ARMC9: variants seen among roughly 807,000 people sequenced by gnomAD.
ARMC9 encodes lisH domain-containing protein ARMC9.
A neutral mutation model predicts 107.0 loss-of-function variants in ARMC9; 94 were observed. That is an observed-to-expected ratio of 0.88 (90% CI 0.74 to 1.04). The LOEUF (loss-of-function observed/expected upper bound fraction) is 1.04. Among genes scored for constraint, ARMC9 ranks in the 50% least tolerant of loss-of-function variants. The probability of loss-of-function intolerance (pLI) is 0.00; values close to 1 mark genes in which losing one functional copy is unlikely to be tolerated. For missense variants in ARMC9, 942 were observed against 1,030.1 expected (o/e 0.91, Z 1.17); for synonymous variants, 380 against 396.9 (o/e 0.96, Z 0.51).
rs531460397 is a variant in ARMC9, at chr2:231,324,650, G to A, written c.1774-7143G>A. On this transcript the variant is annotated intron_variant, in intron 19 of 24. Coordinates refer to ENST00000611582, the MANE Select transcript of ARMC9 (RefSeq NM_001352754.2). ...TCCCAGCTACTCGGGAGGCTGAGGC[G>A]AGAGAATCACTTGAACCGAGGAGGC... is the stretch of plus-strand genomic sequence containing the variant. 2.4e-4 allele frequency among the ~76,000 whole-genome samples: 37 copies of A among 151,464 alleles called. 1 individual carries two copies. In the East Asian group the frequency reaches 5.8e-3, roughly 24 times the overall value.
chr2:231,248,754 C>T (rs530098560), intron 9 of ARMC9, among the ~76,000 whole-genome samples: 112 of 147,860 alleles, frequency 7.6e-4, no homozygotes, highest in African/African-American at 2.7e-3. Context: ...TTGCAGTTAG[C>T]CGAGATCATG....
At chr2:231,261,854 G>A (rs1284272959) in intron 11 of ARMC9, among the ~76,000 whole-genome samples, 1 of 150,184 alleles carries the variant, frequency 6.7e-6, no homozygotes, top group Non-Finnish European at 1.5e-5. Flanking sequence ...ACCGAGTCTT[G>A]CTCTGTCGCC....
chr2:231,202,894 A>G (rs2031298028), intron 1 of ARMC9, among the ~76,000 whole-genome samples: 2 of 152,152 alleles, frequency 1.3e-5, no homozygotes, highest in African/African-American at 4.8e-5. Context: ...AAGGGAAGCT[A>G]AAAGCAGACT....
chr2:231,326,877 C>G (rs1001219939), intron 19 of ARMC9, among the ~76,000 whole-genome samples: 1 of 152,124 alleles, frequency 6.6e-6, no homozygotes, highest in Admixed American at 6.5e-5. Flanking sequence ...GTCAAGGAGC[C>G]AATTATAGTC....
At chr2:231,302,965 C>T (rs1029655334) in intron 19 of ARMC9, among the ~76,000 whole-genome samples, 1 of 152,220 alleles carries the variant, frequency 6.6e-6, no homozygotes, top group African/African-American at 2.4e-5. Flanking sequence ...GATCACACCA[C>T]TGCACTCCAG....
chr2:231,262,623 C>T (rs950760220), intron 12 of ARMC9, among the ~76,000 whole-genome samples: 13 of 152,084 alleles, frequency 8.5e-5, no homozygotes, highest in Admixed American at 3.3e-4. Flanking sequence ...TCTTTTCTGC[C>T]GTTTTTCCTT....
intron 18 of ARMC9, 69 bp downstream of exon 18, chr2:231,291,512 A>G (rs755869228): frequency 2.0e-5 from 31 of 1,512,830 alleles, no homozygotes; most frequent in Non-Finnish European, 2.6e-5. Flanking sequence ...GACACATGGC[A>G]TTTCATTCAA....
chr2:231,360,427 C>T lies in ARMC9; in HGVS notation c.2132-327C>T, dbSNP rs574763087. Among the ~76,000 whole-genome samples the T allele has an allele frequency of 2.0e-5, 3 of 152,300 alleles. No individual in the cohort carries two copies. The highest frequency in any genetic ancestry group is 2.1e-4 in the South Asian group (1 of 4,826). Reference sequence around the variant, plus strand: ...TGGGCCTCCACATTCTGTCTGGGGGCGCCTAGCCATGGCCCAGGGAGACAA... The same window carrying T: ...TGGGCCTCCACATTCTGTCTGGGGGTGCCTAGCCATGGCCCAGGGAGACAA... On this transcript the variant is annotated intron_variant, in intron 22 of 24. Transcript: ENST00000611582. This position sits in a 1 kb window ranked among gnomAD's most constrained non-coding sequence, Gnocchi z 4.7.
intron 20 of ARMC9, among the ~76,000 whole-genome samples, 164 bp from the exon 21 acceptor site, chr2:231,344,811 C>T (rs912942216): frequency 1.3e-5 from 2 of 152,178 alleles, no homozygotes; most frequent in Non-Finnish European, 2.9e-5. Context: ...GGTTTTTCCC[C>T]ACAATTTCTG....
intron 18 of ARMC9, among the ~76,000 whole-genome samples, 162 bp downstream of exon 18, chr2:231,291,605 C>T (rs1462359025): frequency 6.6e-6 from 1 of 151,950 alleles, no homozygotes; most frequent in African/African-American, 2.4e-5. Flanking sequence ...ATCACGAGGT[C>T]AGGAGTTCGA....
At chr2:231,315,959 G>A (rs1178006601) in intron 19 of ARMC9, among the ~76,000 whole-genome samples, 1 of 152,170 alleles carries the variant, frequency 6.6e-6, no homozygotes, top group African/African-American at 2.4e-5. Context: ...TAGGGATTCA[G>A]TATGCATCTT....
chr2:231,293,476 C>G (rs1021762428), intron 18 of ARMC9, among the ~76,000 whole-genome samples: 2 of 152,190 alleles, frequency 1.3e-5, no homozygotes, highest in Non-Finnish European at 2.9e-5. Flanking sequence ...TCCTTGTCTT[C>G]CCTCCTTCCT....
intron 13 of ARMC9, 35 bp from the exon 14 acceptor site, chr2:231,272,920 G>A (rs746671257): frequency 2.5e-6 from 4 of 1,604,828 alleles, no homozygotes; most frequent in South Asian, 1.1e-5. Flanking sequence ...AATTATTTCT[G>A]TCTTTCACCT....
chr2:231,321,327 G>T (rs2042985175), intron 19 of ARMC9, among the ~76,000 whole-genome samples: 1 of 152,186 alleles, frequency 6.6e-6, no homozygotes, highest in African/African-American at 2.4e-5. Context: ...ATGGAGCGGG[G>T]ATGGAAAGCA....
At position 231,229,377 on chromosome 2, in the gene ARMC9, C is replaced by T. The variant is rs16827881; in HGVS notation, c.622+2579C>T. 4.9e-3 allele frequency among the ~76,000 whole-genome samples: 741 copies of T among 152,246 alleles called. 6 individuals are homozygous for T. Among genetic ancestry groups the T allele is most frequent in the African/African-American group, 0.017 (696 of 41,546 alleles). ...TGTGTATCTTGATAGGAAGTTTTCA[C>T]GGTTAAGTGAGATTACCAGAAGCTT... On this transcript the variant is annotated intron_variant, in intron 7 of 24. Transcript: ENST00000611582.
chr2:231,260,502 T>A (rs193193178), intron 11 of ARMC9, among the ~76,000 whole-genome samples: 2 of 152,340 alleles, frequency 1.3e-5, no homozygotes, highest in South Asian at 4.1e-4. Context: ...ATTTCCCATC[T>A]GTGGATAGAA....
At position 231,331,849 on chromosome 2, in the gene ARMC9, G is replaced by T; in HGVS notation, c.1830G>T (p.Gln610His). 1 of 1,614,058 alleles carries T rather than the reference G, an allele frequency of 6.2e-7. No homozygotes were observed. The highest frequency in any genetic ancestry group is 2.2e-5 in the East Asian group (1 of 44,882). The change falls in exon 20 of 25, where the codon CAG becomes CAT. Residue 610 changes from glutamine to histidine, a missense_variant. Transcript: ENST00000611582. ...DLDKDELIQP[Q>H]LGELSGEKLL... ...ACAAAGACGAACTGATCCAGCCCCA[G>T]CTCGGAGAACTCTCAGGAGAGAAGC...
rs755420664 is a variant in ARMC9, at chr2:231,222,769, T to C, written c.546T>C (p.Phe182=). Residue 182 remains phenylalanine, a synonymous_variant, in exon 6 of 25, where the codon TTT becomes TTC. Transcript: ENST00000611582. ...TPELKLKLIK[F]LALISKASNT... ...AGTTAAAGTTGAAGTTGATAAAGTT[T>C]CTAGCTTTAATATCTAAAGCCAGCA... 6.3e-7 allele frequency: 1 copy of C among 1,596,358 alleles called. No individual in the cohort carries two copies.
intron 20 of ARMC9, among the ~76,000 whole-genome samples, chr2:231,333,954 C>G (rs1448238962): frequency 6.6e-6 from 1 of 152,224 alleles, no homozygotes; most frequent in Non-Finnish European, 1.5e-5. Context: ...AGGTGCAGAA[C>G]GTGGTGAGAC....
Sources: gnomAD v4.1 joint callset for allele counts (sites outside exome capture counted in the v4.1 genomes callset) on GRCh38, gnomAD v4.1.1 for gene constraint, Gnocchi (gnomAD v3.1) non-coding constraint, MANE v1.5 for transcripts, NCBI Gene and HGNC (gene_info 2026-07-23, HGNC 2026-07-21) for gene names.